Variants in PRKAG2 observed in about 807,000 individuals in gnomAD.
PRKAG2 encodes the protein 5'-AMP-activated protein kinase subunit gamma-2.
Under a neutral mutation model 69.6 loss-of-function variants are expected in PRKAG2, and 26 were observed. The observed-to-expected ratio is 0.37, with a 90% CI of 0.27 to 0.52. The LOEUF (loss-of-function observed/expected upper bound fraction) is 0.52, where lower values mean the gene tolerates loss of function less well. Among genes scored for constraint, PRKAG2 ranks in the 20% least tolerant of loss-of-function variants. The pLI is 0.90. For missense variants in PRKAG2, 557 were observed against 740.0 expected, an observed-to-expected ratio of 0.75 and a Z score of 2.87; for synonymous variants, 293 against 285.0, an observed-to-expected ratio of 1.03 and a Z score of -0.28.
intron 3 of PRKAG2, among the ~76,000 whole-genome samples, chr7:151,702,917 G>C (rs1275543219): frequency 2.0e-5 from 3 of 152,180 alleles, no homozygotes; most frequent in African/African-American, 7.2e-5. Flanking sequence ...TCGCCTTCCA[G>C]TTCCGAGAAC....
At position 151,807,533 on chromosome 7, in the gene PRKAG2, A is replaced by T. The variant is rs1301942345; in HGVS notation, c.115-20992T>A. On this transcript the variant is annotated intron_variant, in intron 1 of 15. Coordinates refer to ENST00000287878, the MANE Select transcript of PRKAG2 (RefSeq NM_016203.4). The surrounding 1 kb of genome is among the most constrained non-coding windows in gnomAD (Gnocchi z 4.4). ...CCCTTCTTCCCAACCTACGAGCTGA[A>T]ATGGCCAGCACTGCGCCTTCCAGAA... 2 of 457,854 alleles carry T rather than the reference A, an allele frequency of 4.4e-6. No individual in the cohort carries two copies. Among genetic ancestry groups the T allele is most frequent in the East Asian group, 1.4e-4 (2 of 14,390 alleles). The allele number at this position is 457,854 out of a possible 1,614,324, so 28.4% of individuals were successfully genotyped here.
At chr7:151,801,800 C>A (rs1329532274) in intron 1 of PRKAG2, among the ~76,000 whole-genome samples, 1 of 152,190 alleles carries the variant, frequency 6.6e-6, no homozygotes, top group African/African-American at 2.4e-5. Flanking sequence ...GCTGCGCCAG[C>A]TGGGAGTCAG....
intron 4 of PRKAG2, among the ~76,000 whole-genome samples, chr7:151,673,571 C>T (rs964613543): frequency 1.3e-5 from 2 of 152,136 alleles, no homozygotes; most frequent in Admixed American, 1.3e-4. Flanking sequence ...TGCAGTTTAA[C>T]CTTTGGCACC....
At chr7:151,853,252 C>T (rs758180502) in intron 1 of PRKAG2, among the ~76,000 whole-genome samples, 5 of 151,852 alleles carry the variant, frequency 3.3e-5, no homozygotes, top group Admixed American at 2.6e-4. Context: ...GCAGCTGGGT[C>T]GACACAGCAA....
intron 13 of PRKAG2, 79 bp from the exon 14 acceptor site, chr7:151,564,303 G>A: frequency 4.7e-6 from 7 of 1,504,856 alleles, no homozygotes; most frequent in Non-Finnish European, 6.5e-6. Context: ...GCTTAAGAGA[G>A]CCTGATTTCT....
intron 9 of PRKAG2, 39 bp from the exon 10 acceptor site, chr7:151,570,264 T>C (rs1425881694): frequency 1.3e-6 from 2 of 1,582,942 alleles, no homozygotes; most frequent in Admixed American, 1.7e-5. Context: ...TAGTAACACA[T>C]TTGCTGTTTG....
At chr7:151,803,166 C>T (rs1418340262) in intron 1 of PRKAG2, among the ~76,000 whole-genome samples, 1 of 151,958 alleles carries the variant, frequency 6.6e-6, no homozygotes, top group African/African-American at 2.4e-5. Flanking sequence ...CCATGTTGGC[C>T]AGGTTGGTCT....
chr7:151,590,952 G>A (rs1158978753), intron 6 of PRKAG2, among the ~76,000 whole-genome samples: 2 of 152,238 alleles, frequency 1.3e-5, no homozygotes, highest in African/African-American at 2.4e-5. Flanking sequence ...TGCTGAGTCC[G>A]TGTTTAATGA....
Position 151,632,644 on chromosome 7 carries a change from A to G in PRKAG2, c.685-506T>C, listed in dbSNP as rs1585378480. The G allele has an allele frequency of 1.0e-6, 1 of 978,158 alleles. No homozygotes were observed. Among genetic ancestry groups the G allele is most frequent in the African/African-American group, 1.8e-5 (1 of 56,546 alleles). The allele number at this position is 978,158 out of a possible 1,614,324, so 60.6% of individuals were successfully genotyped here. A position where few individuals can be genotyped will look rare whatever the true frequency, so the allele number is the denominator to read the frequency against. On this transcript the variant is annotated intron_variant, in intron 4 of 15. Coordinates refer to ENST00000287878, the MANE Select transcript of PRKAG2 (RefSeq NM_016203.4). The surrounding 1 kb of genome is among the most constrained non-coding windows in gnomAD (Gnocchi z 4.2). ...TGGGCTCCGCGGCGCGGGGAGGGGG[A>G]GAGGGGCTGGAGGCTGCAGAACGCC...
intron 8 of PRKAG2, 120 bp downstream of exon 8, chr7:151,574,771 C>A: frequency 7.0e-7 from 1 of 1,436,664 alleles, no homozygotes; most frequent in Non-Finnish European, 9.4e-7. Context: ...ACCATCAGCA[C>A]ACCATACCAA....
intron 1 of PRKAG2, 25 bp downstream of exon 1, chr7:151,876,482 C>T (rs918563929): frequency 6.3e-6 from 10 of 1,590,416 alleles, no homozygotes; most frequent in African/African-American, 1.3e-5. Context: ...GGCTGGGGAG[C>T]AGGGGACCGA....
chr7:151,719,886 C>T lies in PRKAG2; in HGVS notation c.467-44249G>A, dbSNP rs756099009. Among the ~76,000 whole-genome samples, 289 of 152,302 alleles carry T rather than the reference C, an allele frequency of 1.9e-3. 1 individual carries two copies. The highest frequency in any genetic ancestry group is 5.1e-3 in the African/African-American group (212 of 41,572). ...GCCTACTGAGGTAGTTCTGTTATTT[C>T]ACTGAGGCCGCCACATTCAATCTGC... On this transcript the variant is annotated intron_variant, in intron 3 of 15. Transcript: ENST00000287878. This position sits in a 1 kb window ranked among gnomAD's most constrained non-coding sequence, Gnocchi z 5.2.
At chr7:151,792,548 G>A (rs994309441) in intron 1 of PRKAG2, among the ~76,000 whole-genome samples, 1 of 152,206 alleles carries the variant, frequency 6.6e-6, no homozygotes, top group African/African-American at 2.4e-5. Flanking sequence ...ATCAGATGCA[G>A]TTCCGACCTT....
At chr7:151,644,477 T>G (rs1289821929) in intron 4 of PRKAG2, among the ~76,000 whole-genome samples, 3 of 152,210 alleles carry the variant, frequency 2.0e-5, no homozygotes, top group African/African-American at 7.2e-5. Flanking sequence ...TCACTTAGCA[T>G]AATTATTTTG....
intron 4 of PRKAG2, among the ~76,000 whole-genome samples, chr7:151,660,430 C>A (rs1273185843): frequency 6.6e-6 from 1 of 152,150 alleles, no homozygotes; most frequent in Non-Finnish European, 1.5e-5. Flanking sequence ...TGAAATTGCA[C>A]GATTTGTATC....
intron 3 of PRKAG2, among the ~76,000 whole-genome samples, chr7:151,750,159 C>T (rs2074570700): frequency 2.0e-5 from 3 of 150,568 alleles, no homozygotes; most frequent in Admixed American, 2.0e-4. Flanking sequence ...CTGGAACCTT[C>T]ATACATTGCT....
intron 3 of PRKAG2, among the ~76,000 whole-genome samples, chr7:151,696,697 T>C (rs1229682512): frequency 1.3e-5 from 2 of 152,090 alleles, no homozygotes; most frequent in Non-Finnish European, 2.9e-5. Context: ...GTCTGAAAAG[T>C]AGGTTTCAGA....
chr7:151,758,062 C>T (rs1452709767), intron 3 of PRKAG2, among the ~76,000 whole-genome samples: 2 of 152,262 alleles, frequency 1.3e-5, no homozygotes, highest in Non-Finnish European at 2.9e-5. Flanking sequence ...CTTGTCCCTA[C>T]CAGACACCAT....
rs531527958 is a variant in PRKAG2 at position 151,828,522 on chromosome 7, A to G, written c.115-41981T>C. 9.5e-4 allele frequency among the ~76,000 whole-genome samples: 145 copies of G among 152,352 alleles called. No individual in the cohort carries two copies. In the South Asian group the frequency reaches 0.018, roughly 18 times the overall value. The stretch of plus-strand genomic sequence containing the variant: ...AAGCAAACTTAGGAGAGAAAGGAAG[A>G]AATTTTCATAGTCTTAGAAGCCTAC... On this transcript the variant is annotated intron_variant, in intron 1 of 15. Transcript: ENST00000287878. This position sits in a 1 kb window ranked among gnomAD's most constrained non-coding sequence, Gnocchi z 4.6.
Sources: gnomAD v4.1 joint callset for allele counts (sites outside exome capture counted in the v4.1 genomes callset) on GRCh38, gnomAD v4.1.1 for gene constraint, Gnocchi (gnomAD v3.1) non-coding constraint, MANE v1.5 for transcripts, NCBI Gene and HGNC (gene_info 2026-07-23, HGNC 2026-07-21) for gene names.